Variants in SGCD observed in about 807,000 individuals in gnomAD.
SGCD encodes sarcoglycan delta.
Under a neutral mutation model 36.6 loss-of-function variants are expected in SGCD, and 18 were observed. The observed-to-expected ratio is 0.49, with a 90% CI of 0.34 to 0.73. The LOEUF is 0.73. Among genes scored for constraint, SGCD ranks in the 30% least tolerant of loss-of-function variants. The pLI is 0.01. For synonymous variants in SGCD, 133 were observed against 130.6 expected, an observed-to-expected ratio of 1.02 and a Z score of -0.12; for missense variants, 387 against 346.7, an observed-to-expected ratio of 1.12 and a Z score of -0.92.
chr5:156,551,204 A>C (rs540269452), intron 4 of SGCD, among the ~76,000 whole-genome samples: 1 of 152,242 alleles, frequency 6.6e-6, no homozygotes, highest in East Asian at 1.9e-4. Flanking sequence ...CTCATCCTTC[A>C]CTTTATCCAG....
At chr5:156,143,786 T>G (rs542736883) in intron 3 of SGCD, among the ~76,000 whole-genome samples, 14 of 152,258 alleles carry the variant, frequency 9.2e-5, no homozygotes, top group Admixed American at 3.3e-4. Flanking sequence ...GTGTACAATG[T>G]GCAGGTTTGT....
intron 7 of SGCD, among the ~76,000 whole-genome samples, chr5:156,717,952 G>A (rs1322818551): frequency 6.6e-6 from 1 of 152,008 alleles, no homozygotes; most frequent in Non-Finnish European, 1.5e-5. Context: ...GGGATCTGTA[G>A]GCATAAGGTT....
At position 156,411,490 on chromosome 5, in the gene SGCD, A is replaced by T. The variant is rs866184596; in HGVS notation, c.192+66813A>T. ...GGCAGAGACAGCTCTGTTCAGTGGAAAGAAAGTGCTTTGGAGCCAGACGTG... is the reference window on the plus strand; with the variant it reads ...GGCAGAGACAGCTCTGTTCAGTGGATAGAAAGTGCTTTGGAGCCAGACGTG... On this transcript the variant is annotated intron_variant, in intron 3 of 8. Transcript: ENST00000337851. Among the ~76,000 whole-genome samples the T allele has an allele frequency of 2.0e-5, 3 of 152,208 alleles. No homozygotes were observed. The South Asian group carries it at 6.2e-4, about 32-fold the overall frequency.
rs577346974 is a variant in SGCD, at chr5:155,899,827, G to A, written c.-282+29403G>A. Reference sequence around the variant, plus strand: ...CTATTGTAAATACAAAGAGAATAAAGTTTTAGACGCTTTGGAAATTCCCAT... The same window carrying A: ...CTATTGTAAATACAAAGAGAATAAAATTTTAGACGCTTTGGAAATTCCCAT... On this transcript the variant is annotated intron_variant, in intron 1 of 9. Coordinates refer to the SGCD transcript ENST00000517913. Among the ~76,000 whole-genome samples, 92 of 152,120 alleles carry A rather than the reference G, an allele frequency of 6.0e-4. 1 individual carries two copies. Among genetic ancestry groups the A allele is most frequent in the Non-Finnish European group, 6.2e-4 (42 of 68,026 alleles).
intron 3 of SGCD, among the ~76,000 whole-genome samples, chr5:156,194,166 A>G (rs935564341): frequency 2.6e-5 from 4 of 152,304 alleles, no homozygotes; most frequent in South Asian, 2.1e-4. Flanking sequence ...ACTTGAGCCC[A>G]TAAGTTCAGG....
At chr5:155,924,365 CAGG>C (rs924139665) in intron 1 of SGCD, among the ~76,000 whole-genome samples, 1 of 152,138 alleles carries the variant, frequency 6.6e-6, no homozygotes, top group African/African-American at 2.4e-5. Flanking sequence ...CTTGCTATAG[CAGG>C]AGAACTTTCA....
intron 1 of SGCD, among the ~76,000 whole-genome samples, chr5:155,909,668 C>A (rs984411054): frequency 1.1e-4 from 17 of 152,118 alleles, no homozygotes; most frequent in African/African-American, 3.4e-4. Context: ...GATCACTGTG[C>A]AGTTCTTCCA....
At chr5:155,773,051 G>A in the SGCD span, among the ~76,000 whole-genome samples, 1 of 152,052 alleles carries the variant, frequency 6.6e-6, no homozygotes, top group African/African-American at 2.4e-5. Context: ...CTCCCATTTG[G>A]GGAGTTTTTG....
intron 3 of SGCD, among the ~76,000 whole-genome samples, chr5:156,186,085 A>G (rs1294410599): frequency 6.6e-6 from 1 of 151,406 alleles, no homozygotes; most frequent in Non-Finnish European, 1.5e-5. Flanking sequence ...TCCTGGCAAA[A>G]AAAAAAATAC....
intron 7 of SGCD, among the ~76,000 whole-genome samples, chr5:156,738,845 T>C (rs1201368712): frequency 1.3e-5 from 2 of 152,190 alleles, no homozygotes; most frequent in Non-Finnish European, 2.9e-5. Context: ...AATATCTCTT[T>C]TGAACATGAG....
chr5:156,117,239 C>T (rs1205801316), intron 1 of SGCD, among the ~76,000 whole-genome samples: 1 of 151,946 alleles, frequency 6.6e-6, no homozygotes, highest in Non-Finnish European at 1.5e-5. Flanking sequence ...CATTGTTGCC[C>T]ATATTACTAT....
chr5:155,740,633 A>T, the SGCD span, among the ~76,000 whole-genome samples: 1 of 152,334 alleles, frequency 6.6e-6, no homozygotes, highest in Admixed American at 6.5e-5. Context: ...TGCTCTGATT[A>T]CAAATTGGTC....
chr5:155,745,562 T>C, the SGCD span, among the ~76,000 whole-genome samples: 1 of 152,158 alleles, frequency 6.6e-6, no homozygotes, highest in Admixed American at 6.5e-5. Flanking sequence ...TAATATTTTT[T>C]TCTTCAAAAG....
the SGCD span, among the ~76,000 whole-genome samples, chr5:155,851,262 C>A: frequency 2.0e-5 from 3 of 152,142 alleles, no homozygotes; most frequent in Admixed American, 6.5e-5. Context: ...GTTGAAGGAT[C>A]TGAGCTGATG....
At chr5:155,749,038 T>A in the SGCD span, among the ~76,000 whole-genome samples, 2 of 152,204 alleles carry the variant, frequency 1.3e-5, no homozygotes, top group African/African-American at 4.8e-5. Flanking sequence ...TGGCAAACAC[T>A]GCGATGGGAT....
chr5:156,259,755 A>G (rs1284267796), intron 3 of SGCD, among the ~76,000 whole-genome samples: 1 of 152,024 alleles, frequency 6.6e-6, no homozygotes, highest in African/African-American at 2.4e-5. Context: ...AGGATTAGAT[A>G]AGGTCGTCAG....
At chr5:156,643,219 A>T (rs1428440343) in intron 6 of SGCD, among the ~76,000 whole-genome samples, 1 of 151,860 alleles carries the variant, frequency 6.6e-6, no homozygotes, top group African/African-American at 2.4e-5. Context: ...TTCAGTAGAG[A>T]TGGGATTTCT....
intron 3 of SGCD, among the ~76,000 whole-genome samples, chr5:156,352,354 C>G (rs887994368): frequency 9.9e-5 from 15 of 152,190 alleles, no homozygotes; most frequent in Admixed American, 9.8e-4. Flanking sequence ...AGTTTTCTGA[C>G]CAGCTTGAGC....
chr5:156,174,833 G>A (rs2127623755), intron 3 of SGCD, among the ~76,000 whole-genome samples: 1 of 152,294 alleles, frequency 6.6e-6, no homozygotes, highest in East Asian at 1.9e-4. Context: ...ATTGATAATG[G>A]TTGAGGCTAT....
Sources: gnomAD v4.1 joint callset for allele counts (sites outside exome capture counted in the v4.1 genomes callset) on GRCh38, gnomAD v4.1.1 for gene constraint, MANE v1.5 for transcripts, NCBI Gene and HGNC (gene_info 2026-07-23, HGNC 2026-07-21) for gene names.